HHAT: variants seen among roughly 807,000 people sequenced by gnomAD.
HHAT encodes protein-cysteine N-palmitoyltransferase HHAT.
A neutral mutation model predicts 70.8 loss-of-function variants in HHAT; 47 were observed. The ratio of observed to expected loss-of-function variants is 0.66; its 90% CI spans 0.53 to 0.85. HHAT has a LOEUF of 0.85. Among genes scored for constraint, HHAT ranks in the 40% least tolerant of loss-of-function variants. The probability of loss-of-function intolerance (pLI) is 0.00; values close to 1 mark genes in which losing one functional copy is unlikely to be tolerated. For synonymous variants in HHAT, 228 were observed against 247.6 expected (o/e 0.92, Z 0.74); for missense variants, 609 against 604.8 (o/e 1.01, Z -0.07).
intron 9 of HHAT, among the ~76,000 whole-genome samples, chr1:210,582,953 A>G (rs1233504729): frequency 6.6e-6 from 1 of 152,200 alleles, no homozygotes; most frequent in Non-Finnish European, 1.5e-5. Flanking sequence ...AGTTAATAAA[A>G]CATCAGTGGA....
chr1:210,599,642 A>G (rs889011199), intron 10 of HHAT, among the ~76,000 whole-genome samples: 2 of 152,008 alleles, frequency 1.3e-5, no homozygotes, highest in Non-Finnish European at 2.9e-5. Flanking sequence ...GTTTGTTTCT[A>G]TTTCTACTGA....
chr1:210,417,349 C>A (rs2006017), intron 6 of HHAT, among the ~76,000 whole-genome samples: 1 of 152,220 alleles, frequency 6.6e-6, no homozygotes, highest in Non-Finnish European at 1.5e-5. Context: ...TCTCCTGCCT[C>A]AGCCTCCTGA....
chr1:210,558,825 A>T (rs1573313687), intron 9 of HHAT, among the ~76,000 whole-genome samples: 1 of 152,128 alleles, frequency 6.6e-6, no homozygotes, highest in Non-Finnish European at 1.5e-5. Flanking sequence ...TGTGGCTGGG[A>T]TGATGGGGCA....
At chr1:210,667,175 G>A (rs2148974584) in intron 11 of HHAT, among the ~76,000 whole-genome samples, 1 of 152,100 alleles carries the variant, frequency 6.6e-6, no homozygotes, top group East Asian at 1.9e-4. Context: ...CTTGGGTCAG[G>A]AGTTCAAGAC....
chr1:210,588,069 G>A lies in HHAT; in HGVS notation c.1215G>A (p.Leu405=), dbSNP rs1431230923. The A allele has an allele frequency of 1.2e-6, 2 of 1,611,264 alleles. No individual in the cohort carries two copies. The highest frequency in any genetic ancestry group is 1.7e-6 in the Non-Finnish European group (2 of 1,179,068). ...GVTVENGVRR[L]VETPCIQDSL... ...CTGTGGAGAATGGAGTCCGGAGGCT[G>A]GTGGAGACTCCCTGCATCCAGGACA... Residue 405 remains leucine, a synonymous_variant, in exon 10 of 12, where the codon CTG becomes CTA. Coordinates refer to ENST00000261458, the MANE Select transcript of HHAT (RefSeq NM_018194.6).
intron 11 of HHAT, among the ~76,000 whole-genome samples, chr1:210,662,588 G>T (rs1362676719): frequency 6.6e-6 from 1 of 152,132 alleles, no homozygotes; most frequent in African/African-American, 2.4e-5. Flanking sequence ...CTGATTTGGG[G>T]TATAGCAACC....
rs1280659233 is a variant in HHAT at position 210,387,505 on chromosome 1, G to A, written c.197G>A (p.Trp66Ter). The A allele has an allele frequency of 2.5e-6, 4 of 1,614,154 alleles. No individual in the cohort carries two copies. The Admixed American group carries it at 6.7e-5, about 27-fold the overall frequency. The change falls in exon 4 of 12, where the codon TGG becomes TAG. Residue 66 changes from tryptophan to a stop codon, truncating the protein, a stop_gained. Transcript: ENST00000261458. LOFTEE classifies it high-confidence loss of function. ...TDFEWSFWME[W>*]GKQWLVWLLL... Reference sequence around the variant, plus strand: ...TTTGAGTGGAGCTTCTGGATGGAATGGGGGAAGCAGTGGCTGGTGTGGCTT... The same window carrying A: ...TTTGAGTGGAGCTTCTGGATGGAATAGGGGAAGCAGTGGCTGGTGTGGCTT...
chr1:210,494,004 T>A (rs1302567402), intron 8 of HHAT, among the ~76,000 whole-genome samples: 1 of 152,194 alleles, frequency 6.6e-6, no homozygotes, highest in Non-Finnish European at 1.5e-5. Flanking sequence ...GCTCAATTCT[T>A]TTGTTCTTCT....
intron 9 of HHAT, among the ~76,000 whole-genome samples, chr1:210,518,826 A>G (rs1335459194): frequency 6.6e-6 from 1 of 152,174 alleles, no homozygotes; most frequent in African/African-American, 2.4e-5. Flanking sequence ...AGAAGTTTCA[A>G]TTCAGGGCAT....
chr1:210,484,480 T>C (rs1572757784), intron 8 of HHAT, among the ~76,000 whole-genome samples: 3 of 141,364 alleles, frequency 2.1e-5, no homozygotes, highest in Non-Finnish European at 4.6e-5. Context: ...ATTTATCCGC[T>C]GTTACCATAG....
chr1:210,407,943 A>C (rs1416616687), intron 6 of HHAT, among the ~76,000 whole-genome samples: 5 of 152,114 alleles, frequency 3.3e-5, no homozygotes, highest in Non-Finnish European at 5.9e-5. Flanking sequence ...CCAGTGGTCA[A>C]ATAGGGAATT....
chr1:210,564,106 A>G (rs991642641), intron 9 of HHAT, among the ~76,000 whole-genome samples: 2 of 141,762 alleles, frequency 1.4e-5, no homozygotes, highest in Admixed American at 1.5e-4. Flanking sequence ...GGAACGTACC[A>G]CCATGCCCAA....
intron 10 of HHAT, among the ~76,000 whole-genome samples, chr1:210,604,342 T>A (rs906558466): frequency 2.6e-5 from 4 of 151,802 alleles, no homozygotes; most frequent in Admixed American, 6.6e-5. Context: ...CACTTCGGCC[T>A]CCCAAAGTGC....
At chr1:210,561,574 T>C (rs568798170) in intron 9 of HHAT, among the ~76,000 whole-genome samples, 1 of 152,320 alleles carries the variant, frequency 6.6e-6, no homozygotes, top group Admixed American at 6.5e-5. Flanking sequence ...TTCTTACCCT[T>C]GTTTTACTGC....
At chr1:210,375,438 T>G (rs978345717) in intron 3 of HHAT, among the ~76,000 whole-genome samples, 1 of 152,184 alleles carries the variant, frequency 6.6e-6, no homozygotes, top group African/African-American at 2.4e-5. Context: ...ACTCCCACTT[T>G]CTTTTGATTC....
intron 10 of HHAT, among the ~76,000 whole-genome samples, chr1:210,606,951 A>G (rs1665578182): frequency 6.6e-6 from 1 of 152,200 alleles, no homozygotes; most frequent in East Asian, 1.9e-4. Flanking sequence ...TTCGGTATAT[A>G]TCTAAAATTT....
chr1:210,563,278 G>A (rs1314119340), intron 9 of HHAT, among the ~76,000 whole-genome samples: 1 of 152,162 alleles, frequency 6.6e-6, no homozygotes, highest in Non-Finnish European at 1.5e-5. Flanking sequence ...AAGCAGCTGA[G>A]CAACTGTATA....
At chr1:210,553,341 G>C (rs1435250759) in intron 9 of HHAT, among the ~76,000 whole-genome samples, 2 of 152,206 alleles carry the variant, frequency 1.3e-5, no homozygotes, top group African/African-American at 2.4e-5. Flanking sequence ...GGCTTTGAAA[G>C]GGTTGGGGTC....
chr1:210,380,955 G>C (rs1327239443), intron 3 of HHAT, among the ~76,000 whole-genome samples: 2 of 151,968 alleles, frequency 1.3e-5, no homozygotes, highest in East Asian at 3.9e-4. Flanking sequence ...GAATGCTAAG[G>C]GGAGCACATG....
Sources: allele counts gnomAD v4.1 joint callset (sites outside exome capture counted in the v4.1 genomes callset), GRCh38; gene constraint gnomAD v4.1.1; transcripts MANE v1.5; gene names NCBI Gene and HGNC (gene_info 2026-07-23, HGNC 2026-07-21).